Variants in ABCB1 observed in about 807,000 individuals in gnomAD.
The protein encoded by ABCB1 is ATP-dependent translocase ABCB1.
In ABCB1, 69 loss-of-function variants were observed where a neutral mutation model predicts 142.0. The ratio of observed to expected loss-of-function variants is 0.49; its 90% confidence interval spans 0.40 to 0.59. The LOEUF is 0.59. Ranked by LOEUF, ABCB1 falls within the 20% of genes least tolerant of loss-of-function variation. The probability of loss-of-function intolerance (pLI) is 0.00; values close to 1 mark genes in which losing one functional copy is unlikely to be tolerated. For synonymous variants in ABCB1, 532 were observed against 539.2 expected, an observed-to-expected ratio of 0.99 and a Z score of 0.18; for missense variants, 1,326 against 1,554.7, an observed-to-expected ratio of 0.85 and a Z score of 2.47.
intron 1 of ABCB1, among the ~76,000 whole-genome samples, chr7:87,631,880 G>A (rs958930472): frequency 3.9e-5 from 6 of 152,054 alleles, no homozygotes; most frequent in African/African-American, 1.4e-4. Context: ...CTAGATCATT[G>A]TTAACCTTCA....
chr7:87,673,190 A>T (rs1188506087), intron 1 of ABCB1, among the ~76,000 whole-genome samples: 1 of 152,194 alleles, frequency 6.6e-6, no homozygotes, highest in South Asian at 2.1e-4. Flanking sequence ...ATGACTATAT[A>T]TGTCTTAGGG....
intron 1 of ABCB1, among the ~76,000 whole-genome samples, chr7:87,688,731 G>C (rs1827723655): frequency 6.6e-6 from 1 of 151,702 alleles, no homozygotes; most frequent in African/African-American, 2.4e-5. Context: ...ATATTGTTTT[G>C]AATGTCTAAA....
chr7:87,622,815 G>A (rs1820272424), intron 1 of ABCB1, among the ~76,000 whole-genome samples: 1 of 152,086 alleles, frequency 6.6e-6, no homozygotes, highest in African/African-American at 2.4e-5. Context: ...AGGATCGCAT[G>A]AGACCGGGAG....
In ABCB1 at chr7:87,616,525, G is replaced by C. The variant is rs534540331; in HGVS notation, c.-330-15447C>G. Among the ~76,000 whole-genome samples the C allele has an allele frequency of 4.6e-5, 7 of 152,292 alleles. No homozygotes were observed. In the South Asian group the frequency reaches 1.5e-3, roughly 32 times the overall value. ...TTGATATTCACTGGAATATCTTAAG[G>C]AAGGACAACTAATGAAAACAGCTAA... On this transcript the variant is annotated intron_variant, in intron 1 of 28. Transcript: ENST00000265724.
At chr7:87,700,796 A>G (rs918314152) in intron 1 of ABCB1, among the ~76,000 whole-genome samples, 2 of 152,210 alleles carry the variant, frequency 1.3e-5, no homozygotes, top group Non-Finnish European at 2.9e-5. Flanking sequence ...AATGTCAAAA[A>G]TATTTTTATA....
chr7:87,509,885 A>G (rs979407063), intron 25 of ABCB1, among the ~76,000 whole-genome samples: 2 of 152,372 alleles, frequency 1.3e-5, no homozygotes, highest in East Asian at 3.9e-4. Context: ...TAATGTAATC[A>G]TAAGGGCTCT....
At chr7:87,709,987 T>C (rs1829922423) in intron 1 of ABCB1, among the ~76,000 whole-genome samples, 1 of 152,170 alleles carries the variant, frequency 6.6e-6, no homozygotes, top group Non-Finnish European at 1.5e-5. Flanking sequence ...TTGTTTGTTT[T>C]TCTAGTTTAA....
intron 1 of ABCB1, among the ~76,000 whole-genome samples, chr7:87,637,524 T>C (rs1484489247): frequency 3.3e-5 from 5 of 151,888 alleles, no homozygotes; most frequent in Admixed American, 6.5e-5. Flanking sequence ...ATCTTTATGA[T>C]ATTAAGACTT....
chr7:87,638,153 A>G (rs1161136831), intron 1 of ABCB1, among the ~76,000 whole-genome samples: 1 of 152,134 alleles, frequency 6.6e-6, no homozygotes, highest in African/African-American at 2.4e-5. Context: ...ACCACTCTGG[A>G]ATAAAAAAAC....
chr7:87,588,695 C>G (rs999799105), intron 3 of ABCB1, among the ~76,000 whole-genome samples: 15 of 152,112 alleles, frequency 9.9e-5, no homozygotes, highest in Non-Finnish European at 1.9e-4. Flanking sequence ...GGGTATACAC[C>G]CAGTAATAGG....
chr7:87,626,202 C>T (rs1251102048), intron 1 of ABCB1, among the ~76,000 whole-genome samples: 7 of 108,566 alleles, frequency 6.4e-5, no homozygotes, highest in Admixed American at 1.0e-4. Flanking sequence ...ATATATATGT[C>T]ATATATATGT....
intron 1 of ABCB1, among the ~76,000 whole-genome samples, chr7:87,652,423 T>A (rs963700607): frequency 3.3e-5 from 5 of 151,972 alleles, no homozygotes; most frequent in Non-Finnish European, 5.9e-5. Flanking sequence ...TCAGAATTAT[T>A]TCTAAACAAT....
chr7:87,519,214 A>G (rs1815378285), intron 23 of ABCB1, 112 bp downstream of exon 23: 1 of 1,069,452 alleles, frequency 9.4e-7, no homozygotes, highest in Non-Finnish European at 1.4e-6. Flanking sequence ...CGATTTAGGA[A>G]TCACCAGAAT....
intron 1 of ABCB1, among the ~76,000 whole-genome samples, chr7:87,654,826 CA>C (rs1585014193): frequency 2.0e-5 from 3 of 151,824 alleles, no homozygotes; most frequent in Non-Finnish European, 4.4e-5. Flanking sequence ...GGCTAATTTC[CA>C]AAATATATGA....
At chr7:87,641,122 T>C (rs1000690435) in intron 1 of ABCB1, among the ~76,000 whole-genome samples, 2 of 152,248 alleles carry the variant, frequency 1.3e-5, no homozygotes, top group Non-Finnish European at 2.9e-5. Flanking sequence ...TTTATTAAGT[T>C]ATTTCTTTAA....
intron 1 of ABCB1, among the ~76,000 whole-genome samples, chr7:87,686,117 T>C (rs998357922): frequency 1.3e-5 from 2 of 152,348 alleles, no homozygotes; most frequent in African/African-American, 4.8e-5. Context: ...ACTTGATGTA[T>C]ACTTTCTGCT....
At chr7:87,623,873 C>T (rs1820314586) in intron 1 of ABCB1, among the ~76,000 whole-genome samples, 1 of 152,034 alleles carries the variant, frequency 6.6e-6, no homozygotes, top group South Asian at 2.1e-4. Flanking sequence ...CACCAATGTC[C>T]CTCTGTTCAA....
At chr7:87,602,777 T>G (rs1022819963), upstream of ABCB1, among the ~76,000 whole-genome samples, 4 of 152,212 alleles carry the variant, frequency 2.6e-5, no homozygotes, top group Non-Finnish European at 5.9e-5. Flanking sequence ...TCCATTTCTT[T>G]GCTCCACTGA....
intron 1 of ABCB1, among the ~76,000 whole-genome samples, chr7:87,658,978 C>A (rs1221816829): frequency 6.6e-6 from 1 of 152,104 alleles, no homozygotes; most frequent in South Asian, 2.1e-4. Flanking sequence ...ATGGCAAAAC[C>A]CTGTCTCTAC....
Sources: allele counts gnomAD v4.1 joint callset (sites outside exome capture counted in the v4.1 genomes callset), GRCh38; gene constraint gnomAD v4.1.1; transcripts MANE v1.5; gene names NCBI Gene and HGNC (gene_info 2026-07-23, HGNC 2026-07-21).